Variants in STX12 observed in about 807,000 individuals in gnomAD.
STX12 encodes the protein syntaxin 12.
In STX12, 17 loss-of-function variants were observed where a neutral mutation model predicts 42.2. The observed-to-expected ratio is 0.40, with a 90% CI of 0.28 to 0.60. The LOEUF (loss-of-function observed/expected upper bound fraction) is 0.60. Ranked by LOEUF, STX12 falls within the 20% of genes least tolerant of loss-of-function variation. The pLI is 0.39. For missense variants in STX12, 297 were observed against 330.9 expected (o/e 0.90, Z 0.79); for synonymous variants, 108 against 116.7 (o/e 0.93, Z 0.48).
At chr1:27,798,953 C>CAA (rs56799050) in intron 3 of STX12, among the ~76,000 whole-genome samples, 21 of 78,396 alleles carry the variant, frequency 2.7e-4, no homozygotes, top group East Asian at 1.1e-3. Context: ...GACCCTGTCT[C>CAA]AAAAAAAAAA....
intron 6 of STX12, among the ~76,000 whole-genome samples, chr1:27,814,128 T>G (rs916891216): frequency 3.9e-5 from 6 of 152,200 alleles, no homozygotes; most frequent in Admixed American, 6.5e-5. Context: ...CTTGTCTGTT[T>G]TTAGATGGGA....
intron 5 of STX12, among the ~76,000 whole-genome samples, 159 bp downstream of exon 5, chr1:27,810,448 A>G (rs2088894950): frequency 6.6e-6 from 1 of 152,214 alleles, no homozygotes; most frequent in South Asian, 2.1e-4. Context: ...AGGCAAAACC[A>G]TGGGCTTTTC....
At chr1:27,780,767 C>T (rs1036974263) in intron 1 of STX12, among the ~76,000 whole-genome samples, 3 of 151,896 alleles carry the variant, frequency 2.0e-5, no homozygotes, top group Non-Finnish European at 2.9e-5. Context: ...GCCTGGGCAA[C>T]TTGGCGAAAC....
chr1:27,813,198 C>G (rs1186400912), intron 6 of STX12, among the ~76,000 whole-genome samples: 1 of 148,758 alleles, frequency 6.7e-6, no homozygotes, highest in Non-Finnish European at 1.5e-5. Flanking sequence ...TTTTCCGAGA[C>G]TAAGTCTTGC....
Position 27,789,567 on chromosome 1 carries a change from C to G in STX12, c.124C>G (p.Gln42Glu). The G allele has an allele frequency of 6.2e-7, 1 of 1,613,096 alleles. No homozygotes were observed. The highest frequency in any genetic ancestry group is 8.5e-7 in the Non-Finnish European group (1 of 1,179,412). Reference sequence around the variant, plus strand: ...TTTTCTTCCTATCTCCCCAGCTGCTCAGATAAAGAATTTGATGAGCCAGCT... The same window carrying G: ...TTTTCTTCCTATCTCCCCAGCTGCTGAGATAAAGAATTTGATGAGCCAGCT... ...NIQRISQATA[Q>E]IKNLMSQLGT... The change falls in exon 2 of 9, where the codon CAG becomes GAG. Residue 42 changes from glutamine to glutamate, a missense_variant. Transcript: ENST00000373943.
Position 27,812,251 on chromosome 1 carries a change from G to A in STX12, c.559G>A (p.Ala187Thr). The A allele has an allele frequency of 1.3e-6, 2 of 1,556,746 alleles. No individual in the cohort carries two copies. Among genetic ancestry groups the A allele is most frequent in the Non-Finnish European group, 1.7e-6 (2 of 1,149,660 alleles). The change falls in exon 6 of 9, where the codon GCA becomes ACA. Residue 187 changes from alanine (A) to threonine (T), a missense_variant. Coordinates refer to ENST00000373943, the MANE Select transcript of STX12 (RefSeq NM_177424.3). ...DLELIKERET[A>T]IRQLEADILD... Reference sequence around the variant, plus strand: ...GGAACTTATTAAAGAAAGAGAAACGGCAATTCGGCAGCTGGAGGTGAGAGC... The same window carrying A: ...GGAACTTATTAAAGAAAGAGAAACGACAATTCGGCAGCTGGAGGTGAGAGC...
intron 1 of STX12, among the ~76,000 whole-genome samples, chr1:27,778,044 T>C (rs2088638804): frequency 6.6e-6 from 1 of 152,148 alleles, no homozygotes; most frequent in African/African-American, 2.4e-5. Context: ...AATATACCCT[T>C]AGAATATGAG....
Position 27,799,477 on chromosome 1 carries a change from GTTTT to G in STX12, c.289-2193_289-2190del, listed in dbSNP as rs200472226. ...GGTTGAACCCCAAACTCATTAGCTT[GTTTT>G]TTTTTTTGTTTTTTTTTTTGAGACA... On this transcript the variant is annotated intron_variant, in intron 3 of 8. Transcript: ENST00000373943. 2.3e-5 allele frequency among the ~76,000 whole-genome samples: 3 copies of G among 130,714 alleles called. No individual in the cohort carries two copies. The South Asian group carries it at 6.9e-4, about 30-fold the overall frequency. The allele number at this position is 130,714 out of a possible 152,430, so 85.8% of individuals were successfully genotyped here.
At chr1:27,798,113 T>G (rs895585433) in intron 3 of STX12, among the ~76,000 whole-genome samples, 1 of 152,192 alleles carries the variant, frequency 6.6e-6, no homozygotes, top group African/African-American at 2.4e-5. Context: ...CTGGTACAAT[T>G]TAAGCACTAT....
chr1:27,813,305 A>G (rs2088917385), intron 6 of STX12, among the ~76,000 whole-genome samples: 1 of 151,820 alleles, frequency 6.6e-6, no homozygotes, highest in African/African-American at 2.4e-5. Context: ...CCTCCTGAAT[A>G]GCCGAGACTA....
At chr1:27,790,177 T>C (rs61082922) in intron 2 of STX12, among the ~76,000 whole-genome samples, 18,760 of 152,228 alleles carry the variant, frequency 0.12, 3,851 homozygotes, top group African/African-American at 0.43. Flanking sequence ...GTATTGTGTC[T>C]GGAGTTAGTT....
chr1:27,788,770 G>C (rs898403718), intron 1 of STX12, among the ~76,000 whole-genome samples: 8 of 152,102 alleles, frequency 5.3e-5, no homozygotes, highest in African/African-American at 1.9e-4. Flanking sequence ...CCAGGACTTT[G>C]GGAGGCCGAG....
intron 4 of STX12, 112 bp downstream of exon 4, chr1:27,801,927 A>G: frequency 7.4e-7 from 1 of 1,349,200 alleles, no homozygotes; most frequent in East Asian, 2.6e-5. Flanking sequence ...AGCTGCTGTG[A>G]AAATGGCAGG....
chr1:27,818,670 C>T (rs2088961055), intron 7 of STX12, among the ~76,000 whole-genome samples: 1 of 150,598 alleles, frequency 6.6e-6, no homozygotes, highest in Non-Finnish European at 1.5e-5. Flanking sequence ...GCTGTTGTTG[C>T]CCAGGCTGGA....
rs146289649 is a variant in STX12, at chr1:27,796,603, G to A, written c.288+2971G>A. 2.4e-3 allele frequency among the ~76,000 whole-genome samples: 371 copies of A among 152,162 alleles called. 3 individuals are homozygous for A. Among genetic ancestry groups the A allele is most frequent in the African/African-American group, 8.6e-3 (356 of 41,512 alleles). ...GACAGAGTCTTGCTATGTTGCCCAG[G>A]CTGGTCTCAAACTCCTGGGCTCAAG... On this transcript the variant is annotated intron_variant, in intron 3 of 8. Transcript: ENST00000373943.
intron 1 of STX12, among the ~76,000 whole-genome samples, chr1:27,785,672 G>A (rs1052041827): frequency 5.9e-5 from 9 of 152,142 alleles, no homozygotes; most frequent in African/African-American, 9.7e-5. Flanking sequence ...CTAGTTAGTC[G>A]TCAAGTCTGG....
Position 27,793,558 on chromosome 1 carries a change from C to G in STX12, c.214C>G (p.Gln72Glu). 1 of 1,614,142 alleles carries G rather than the reference C, an allele frequency of 6.2e-7. No individual in the cohort carries two copies. Among genetic ancestry groups the G allele is most frequent in the Non-Finnish European group, 8.5e-7 (1 of 1,180,002 alleles). Residue 72 changes from glutamine (Q) to glutamate (E), a missense_variant, in exon 3 of 9, where the codon CAG becomes GAG. Coordinates refer to ENST00000373943, the MANE Select transcript of STX12 (RefSeq NM_177424.3). The stretch of plus-strand genomic sequence containing the variant: ...GCAACAGTTACAACACTCCACAAAT[C>G]AGCTCGCCAAGGAAACAAATGAATT... Reference protein sequence around the residue: ...NLQQLQHSTNQLAKETNELLK... With the variant: ...NLQQLQHSTNELAKETNELLK...
chr1:27,775,418 T>G (rs1234253814), intron 1 of STX12, among the ~76,000 whole-genome samples: 1 of 152,150 alleles, frequency 6.6e-6, no homozygotes, highest in Non-Finnish European at 1.5e-5. Flanking sequence ...ACTACAGGTG[T>G]GCACCACCAC....
intron 3 of STX12, among the ~76,000 whole-genome samples, 178 bp downstream of exon 3, chr1:27,793,810 T>G (rs2088765688): frequency 6.6e-6 from 1 of 152,042 alleles, no homozygotes. Flanking sequence ...ATAGAAAGAA[T>G]GTACACACCA....
Sources: gnomAD v4.1 joint callset for allele counts (sites outside exome capture counted in the v4.1 genomes callset) on GRCh38, gnomAD v4.1.1 for gene constraint, MANE v1.5 for transcripts, NCBI Gene and HGNC (gene_info 2026-07-23, HGNC 2026-07-21) for gene names.